PRPF8: variants seen among roughly 807,000 people sequenced by gnomAD.
PRPF8 encodes pre-mRNA processing factor 8, also known as pre-mRNA-processing-splicing factor 8.
PRPF8 carries 64 observed loss-of-function variants against 285.9 expected under a neutral mutation model. That is an observed-to-expected ratio of 0.22 (90% CI 0.18 to 0.28). The LOEUF (loss-of-function observed/expected upper bound fraction) is 0.28. PRPF8 is among the 10% of genes least tolerant of loss of function. PRPF8 has a pLI of 1.00. For missense variants in PRPF8, 1,426 were observed against 3,026.7 expected, an observed-to-expected ratio of 0.47 and a Z score of 12.41; for synonymous variants, 1,325 against 1,118.2, an observed-to-expected ratio of 1.18 and a Z score of -3.69.
chr17:1,684,596 G>A lies in PRPF8; in HGVS notation c.-11-14C>T, dbSNP rs774588416. The A allele has an allele frequency of 6.8e-6, 11 of 1,610,920 alleles. No individual in the cohort carries two copies. The Admixed American group carries it at 1.2e-4, about 17-fold the overall frequency. ...TATCCGGAGAATCTGGGGAGCGGCG[G>A]GATAGAAAAATTCACTAACCACAGG... is the stretch of plus-strand genomic sequence containing the variant. On this transcript the variant is annotated splice_polypyrimidine_tract_variant and intron_variant, in intron 1 of 42. Coordinates refer to ENST00000304992, the MANE Select transcript of PRPF8 (RefSeq NM_006445.4).
At position 1,651,437 on chromosome 17, in the gene PRPF8, C is replaced by T; in HGVS notation, c.6627G>A (p.Glu2209=). ...ACCTGCATGTGATGATAATGGTCTTCTCGCCATCCCAAGATGGGTTGTCAG... is the reference window on the plus strand; with the variant it reads ...ACCTGCATGTGATGATAATGGTCTTTTCGCCATCCCAAGATGGGTTGTCAG... The part of the protein sequence containing the change: ...IMADNPSWDG[E]KTIIITCSFT... The change falls in exon 41 of 43, where the codon GAG becomes GAA. Residue 2209 remains glutamate (E), a synonymous_variant. Transcript: ENST00000304992. This position sits in a 1 kb window ranked among gnomAD's most constrained non-coding sequence, Gnocchi z 5.1. 1 of 1,614,198 alleles carries T rather than the reference C, an allele frequency of 6.2e-7. No individual in the cohort carries two copies. The highest frequency in any genetic ancestry group is 8.5e-7 in the Non-Finnish European group (1 of 1,180,030).
chr17:1,675,920 T>G lies in PRPF8; in HGVS notation c.2679+8A>C, dbSNP rs1466852442. On this transcript the variant is annotated splice_region_variant and intron_variant, in intron 18 of 42. Coordinates refer to ENST00000304992, the MANE Select transcript of PRPF8 (RefSeq NM_006445.4). The surrounding 1 kb of genome is among the most constrained non-coding windows in gnomAD (Gnocchi z 6.0). ...AACCAAAAAGAAAACTTGGGAGGCC[T>G]CACTCACCTCTTTGAAGGCTCTCTG... 9.3e-6 allele frequency: 15 copies of G among 1,614,132 alleles called. No homozygotes were observed. Among genetic ancestry groups the G allele is most frequent in the Non-Finnish European group, 1.3e-5 (15 of 1,180,018 alleles).
rs748407996 is a variant in PRPF8, at chr17:1,680,964, C to G, written c.957G>C (p.Leu319Phe). 17 of 1,613,882 alleles carry G rather than the reference C, an allele frequency of 1.1e-5. No individual in the cohort carries two copies. The change falls in exon 7 of 43, where the codon TTG (leucine) becomes TTC (phenylalanine). Residue 319 changes from leucine to phenylalanine, a missense_variant. This residue lies in a region of PRPF8 where 157 missense variants were observed against 159.6 expected (regional missense o/e 0.98). Transcript: ENST00000304992. ...GGACATGGTGTGGAAGATTGTTGTA[C>G]AAGTAAGGAAAAGCAATCTTGTACT... Reference protein sequence around the residue: ...RTEYKIAFPYLYNNLPHHVHL... With the variant: ...RTEYKIAFPYFYNNLPHHVHL...
At chr17:1,664,500 G>A (rs1398883918) in intron 24 of PRPF8, among the ~76,000 whole-genome samples, 2 of 152,048 alleles carry the variant, frequency 1.3e-5, no homozygotes, top group Admixed American at 6.6e-5. Flanking sequence ...GAGACTGTAC[G>A]CTAGGACATC....
rs948536825 is a variant in PRPF8 at position 1,675,565 on chromosome 17, C to T, written c.2872+55G>A. On this transcript the variant is annotated intron_variant, in intron 19 of 42. Transcript: ENST00000304992. This position sits in a 1 kb window ranked among gnomAD's most constrained non-coding sequence, Gnocchi z 6.0. Reference sequence around the variant, plus strand: ...CATGCTACCCAGATGAGATTTTTGACGTAGAACTAAATTCCTGCCCCGTTC... The same window carrying T: ...CATGCTACCCAGATGAGATTTTTGATGTAGAACTAAATTCCTGCCCCGTTC... 31 of 1,606,258 alleles carry T rather than the reference C, an allele frequency of 1.9e-5. No homozygotes were observed. The highest frequency in any genetic ancestry group is 1.6e-4 in the East Asian group (7 of 44,860).
In PRPF8 at chr17:1,676,789, G is replaced by A. The variant is rs1163159126; in HGVS notation, c.2182-78C>T. On this transcript the variant is annotated intron_variant, in intron 15 of 42. Coordinates refer to ENST00000304992, the MANE Select transcript of PRPF8 (RefSeq NM_006445.4). The surrounding 1 kb of genome is among the most constrained non-coding windows in gnomAD (Gnocchi z 6.3). ...CACATCTGTAGTCCCGGCTACTCAG[G>A]AGGCTAAGGAGGATCGCTTGAGCTC... 4 of 1,540,240 alleles carry A rather than the reference G, an allele frequency of 2.6e-6. No homozygotes were observed. The highest frequency in any genetic ancestry group is 3.6e-6 in the Non-Finnish European group (4 of 1,120,054).
At chr17:1,655,017 G>A (rs1449676385) in intron 37 of PRPF8, 1 of 325,426 alleles carries the variant, frequency 3.1e-6, no homozygotes, top group Non-Finnish European at 6.0e-6. Flanking sequence ...GGAGTGCAGT[G>A]GCATGATCTC....
intron 36 of PRPF8, 69 bp from the exon 37 acceptor site, chr17:1,655,612 T>C: frequency 7.1e-7 from 1 of 1,401,772 alleles, no homozygotes; most frequent in South Asian, 1.2e-5. Flanking sequence ...TCCTAACCTT[T>C]CATGAAACCC....
At chr17:1,670,637 C>T (rs540077679) in intron 24 of PRPF8, among the ~76,000 whole-genome samples, 1 of 152,182 alleles carries the variant, frequency 6.6e-6, no homozygotes, top group Non-Finnish European at 1.5e-5. Context: ...CAGGTGTGCA[C>T]CACCACGCCC....
intron 24 of PRPF8, among the ~76,000 whole-genome samples, chr17:1,667,048 C>A (rs1306671635): frequency 6.6e-6 from 1 of 152,166 alleles, no homozygotes; most frequent in African/African-American, 2.4e-5. Flanking sequence ...TGGCAGGCAC[C>A]TGTAATCCCA....
chr17:1,653,302 T>C lies in PRPF8; in HGVS notation c.6369+240A>G, dbSNP rs1911183946. The stretch of plus-strand genomic sequence containing the variant: ...CTGGTCAGGAATTTGTTTCTGACCA[T>C]ATCTGTTCTCTTCCAAATACTATCA... On this transcript the variant is annotated intron_variant, in intron 39 of 42. Coordinates refer to ENST00000304992, the MANE Select transcript of PRPF8 (RefSeq NM_006445.4). The surrounding 1 kb of genome is among the most constrained non-coding windows in gnomAD (Gnocchi z 4.9). The C allele has an allele frequency of 8.0e-6, 5 of 626,194 alleles. No individual in the cohort carries two copies. Among genetic ancestry groups the C allele is most frequent in the Non-Finnish European group, 1.4e-5 (5 of 350,708 alleles). 38.8% of individuals were successfully genotyped at this position (626,194 alleles called of 1,614,324 possible). A position where few individuals can be genotyped will look rare whatever the true frequency, so the allele number is the denominator to read the frequency against.
chr17:1,683,888 CTTTTT>C (rs112914461), intron 2 of PRPF8, among the ~76,000 whole-genome samples, 187 bp from the exon 3 acceptor site: 2 of 140,512 alleles, frequency 1.4e-5, no homozygotes, highest in Non-Finnish European at 3.1e-5. Context: ...CACTATCTGA[CTTTTT>C]TTTTTTTTTT....
At position 1,662,124 on chromosome 17, in the gene PRPF8, A is replaced by G; in HGVS notation, c.3804T>C (p.Ile1268=). The change falls in exon 25 of 43, where the codon ATT becomes ATC. Residue 1268 remains isoleucine (I), a synonymous_variant. Coordinates refer to ENST00000304992, the MANE Select transcript of PRPF8 (RefSeq NM_006445.4). ...CCTCCCGAAAGTATGTCATAAGGCC[A>G]ATGAGAGCTGTATTCCACTTATTCA... ...KIVNKWNTAL[I]GLMTYFREAV... is the part of the protein sequence containing the mutation. 1 of 1,614,208 alleles carries G rather than the reference A, an allele frequency of 6.2e-7. No homozygotes were observed. The highest frequency in any genetic ancestry group is 1.6e-4 in the Middle Eastern group (1 of 6,062).
intron 37 of PRPF8, chr17:1,654,958 C>CT (rs922886665): frequency 0.041 from 6,509 of 159,186 alleles, 359 homozygotes; most frequent in African/African-American, 0.12. Flanking sequence ...TGAGAAACGT[C>CT]TTTTTTTTTT....
chr17:1,675,753 G>T lies in PRPF8; in HGVS notation c.2739C>A (p.Pro913=), dbSNP rs780783091. 3 of 1,613,962 alleles carry T rather than the reference G, an allele frequency of 1.9e-6. No individual in the cohort carries two copies. The change falls in exon 19 of 43, where the codon CCC becomes CCA. Residue 913 remains proline, a synonymous_variant. Coordinates refer to ENST00000304992, the MANE Select transcript of PRPF8 (RefSeq NM_006445.4). This position sits in a 1 kb window ranked among gnomAD's most constrained non-coding sequence, Gnocchi z 6.0. ...SHLVPVYDVE[P]LEKITDAYLD... ...GGTAAGCATCAGTTATCTTCTCCAG[G>T]GGCTCAACATCATATACTGGAACGA...
chr17:1,653,340 A>G lies in PRPF8; in HGVS notation c.6369+202T>C, dbSNP rs1911185601. On this transcript the variant is annotated intron_variant, in intron 39 of 42. Transcript: ENST00000304992. This position sits in a 1 kb window ranked among gnomAD's most constrained non-coding sequence, Gnocchi z 4.9. Reference sequence around the variant, plus strand: ...CCAAATACTATCAGGCCAATACTACAATTACTACCTTCTCTCAGCTGCCAC... The same window carrying G: ...CCAAATACTATCAGGCCAATACTACGATTACTACCTTCTCTCAGCTGCCAC... The G allele has an allele frequency of 1.5e-6, 1 of 688,266 alleles. No individual in the cohort carries two copies. Among genetic ancestry groups the G allele is most frequent in the Admixed American group, 2.2e-5 (1 of 45,810 alleles). The allele number at this position is 688,266 out of a possible 1,614,324, so 42.6% of individuals were successfully genotyped here. A position where few individuals can be genotyped will look rare whatever the true frequency, so the allele number is the denominator to read the frequency against.
Position 1,673,156 on chromosome 17 carries a change from G to C in PRPF8, c.3699C>G (p.Asp1233Glu). 6.2e-7 allele frequency: 1 copy of C among 1,614,194 alleles called. No individual in the cohort carries two copies. The highest frequency in any genetic ancestry group is 8.5e-7 in the Non-Finnish European group (1 of 1,180,022). Residue 1233 changes from aspartate to glutamate, a missense_variant, in exon 24 of 43, where the codon GAC becomes GAG. Coordinates refer to ENST00000304992, the MANE Select transcript of PRPF8 (RefSeq NM_006445.4). This position sits in a 1 kb window ranked among gnomAD's most constrained non-coding sequence, Gnocchi z 5.5. Reference protein sequence around the residue: ...ERTAQCFLRVDDESMQRFHNR... With the variant: ...ERTAQCFLRVEDESMQRFHNR... ...TGTGGAAGCGCTGCATTGACTCATCGTCCACACGCAGGAAACACTGAGCTG... is the reference window on the plus strand; with the variant it reads ...TGTGGAAGCGCTGCATTGACTCATCCTCCACACGCAGGAAACACTGAGCTG...
chr17:1,671,647 C>G (rs549644104), intron 24 of PRPF8, among the ~76,000 whole-genome samples: 2 of 151,468 alleles, frequency 1.3e-5, no homozygotes, highest in South Asian at 2.1e-4. Context: ...GTCAGGAGTT[C>G]GAGACCATCC....
rs1350847880 is a variant in PRPF8, at chr17:1,659,969, A to T, written c.4818T>A (p.Ile1606=). 1.2e-6 allele frequency: 2 copies of T among 1,614,048 alleles called. No individual in the cohort carries two copies. The highest frequency in any genetic ancestry group is 1.7e-6 in the Non-Finnish European group (2 of 1,180,010). The change falls in exon 31 of 43, where the codon ATT becomes ATA. Residue 1606 remains isoleucine, a synonymous_variant. Coordinates refer to ENST00000304992, the MANE Select transcript of PRPF8 (RefSeq NM_006445.4). This position sits in a 1 kb window ranked among gnomAD's most constrained non-coding sequence, Gnocchi z 5.1. ...VFDQELDALE[I]ETVQKETIHP... ...GGATTGTCTCCTTTTGTACTGTCTCAATTTCCAGTGCATCAAGTTCCTGGT... is the reference window on the plus strand; with the variant it reads ...GGATTGTCTCCTTTTGTACTGTCTCTATTTCCAGTGCATCAAGTTCCTGGT...
Sources: allele counts gnomAD v4.1 joint callset (sites outside exome capture counted in the v4.1 genomes callset), GRCh38; gene constraint gnomAD v4.1.1; regional missense constraint gnomAD v4.1.1; non-coding constraint Gnocchi (gnomAD v3.1); transcripts MANE v1.5; gene names NCBI Gene and HGNC (gene_info 2026-07-23, HGNC 2026-07-21).